DACH2: variants seen among roughly 807,000 people sequenced by gnomAD.
The protein encoded by DACH2 is dachshund family transcription factor 2, also known as dachshund homolog 2.
A neutral mutation model predicts 35.8 loss-of-function variants in DACH2; 17 were observed. That is an observed-to-expected ratio of 0.48 (90% confidence interval 0.33 to 0.71). The LOEUF is 0.71. DACH2 is among the 30% of genes least tolerant of loss of function. The pLI is 0.02. For synonymous variants in DACH2, 195 were observed against 177.3 expected (o/e 1.10, Z -0.79); for missense variants, 469 against 472.7 (o/e 0.99, Z 0.07).
chrX:86,718,199 G>A (rs780501952), intron 6 of DACH2, among the ~76,000 whole-genome samples: 39 of 111,581 alleles, frequency 3.5e-4, no homozygotes, highest in Middle Eastern at 4.6e-3. Flanking sequence ...TCCGACTCAT[G>A]TAAAATGATA....
intron 1 of DACH2, among the ~76,000 whole-genome samples, chrX:86,309,989 G>A (rs981999280): frequency 3.6e-5 from 4 of 112,425 alleles, no homozygotes; most frequent in Admixed American, 9.4e-5. Context: ...GTGTCAGATA[G>A]GGATGCTGTT....
intron 3 of DACH2, among the ~76,000 whole-genome samples, chrX:86,535,950 G>C (rs1421812570): frequency 9.0e-6 from 1 of 111,262 alleles, no homozygotes; most frequent in Non-Finnish European, 1.9e-5. Context: ...TGACCTTGCA[G>C]CGGCACGGCA....
At position 86,208,495 on chromosome X, in the gene DACH2, T is replaced by C. The variant is rs1397397275; in HGVS notation, c.488+59387T>C. Among the ~76,000 whole-genome samples, 6 of 111,797 alleles carry C rather than the reference T, an allele frequency of 5.4e-5. No homozygotes were observed. The Admixed American group carries it at 5.7e-4, about 11-fold the overall frequency. The stretch of plus-strand genomic sequence containing the variant: ...TATGTTATACAAGATGTTATGAAGC[T>C]TAACTTTCCTTTTTCAAGATTCCCA... On this transcript the variant is annotated intron_variant, in intron 1 of 11. Transcript: ENST00000373125.
intron 1 of DACH2, among the ~76,000 whole-genome samples, chrX:86,211,045 T>C (rs1319995604): frequency 9.0e-6 from 1 of 111,541 alleles, no homozygotes; most frequent in East Asian, 2.8e-4. Flanking sequence ...TAATTACTGA[T>C]GAGGAATTTA....
At chrX:86,781,045 A>G (rs2042084700) in intron 7 of DACH2, among the ~76,000 whole-genome samples, 1 of 111,393 alleles carries the variant, frequency 9.0e-6, no homozygotes, top group Non-Finnish European at 1.9e-5. Flanking sequence ...CAGCTTCATC[A>G]CGGTTCTCCC....
chrX:86,800,467 A>C (rs2042281364), intron 7 of DACH2, among the ~76,000 whole-genome samples: 1 of 111,578 alleles, frequency 9.0e-6, no homozygotes, highest in South Asian at 3.7e-4. Flanking sequence ...ATATATTATG[A>C]ATTATTTTAT....
intron 3 of DACH2, among the ~76,000 whole-genome samples, chrX:86,519,333 T>C (rs570461723): frequency 1.8e-5 from 2 of 112,228 alleles, no homozygotes; most frequent in South Asian, 7.3e-4. Context: ...TCGATGTTCA[T>C]GAAGGGCATT....
intron 7 of DACH2, among the ~76,000 whole-genome samples, chrX:86,791,315 G>GTT (rs1299361750): frequency 8.9e-6 from 1 of 111,901 alleles, no homozygotes; most frequent in Non-Finnish European, 1.9e-5. Context: ...ACTACTTAAA[G>GTT]AAATGATCTC....
intron 1 of DACH2, among the ~76,000 whole-genome samples, chrX:86,360,799 A>G (rs1481899829): frequency 1.8e-5 from 2 of 111,704 alleles, no homozygotes; most frequent in Non-Finnish European, 3.8e-5. Flanking sequence ...TTTTAAAAAA[A>G]CATTTTTGCC....
intron 1 of DACH2, among the ~76,000 whole-genome samples, chrX:86,299,423 G>A (rs2034531854): frequency 8.9e-6 from 1 of 111,742 alleles, no homozygotes; most frequent in Admixed American, 9.5e-5. Context: ...GTTCAGCTTA[G>A]CAGTGATTCT....
chrX:86,443,512 T>C (rs1401636460), intron 2 of DACH2, among the ~76,000 whole-genome samples: 2 of 110,499 alleles, frequency 1.8e-5, no homozygotes, highest in African/African-American at 3.3e-5. Context: ...GAATTTTTTT[T>C]TTTTTTTCTG....
At chrX:86,646,881 T>C (rs964414908) in intron 3 of DACH2, among the ~76,000 whole-genome samples, 1 of 109,198 alleles carries the variant, frequency 9.2e-6, no homozygotes, top group African/African-American at 3.3e-5. Context: ...TTTTTTTTCT[T>C]GAAATAAGAC....
chrX:86,382,116 G>A (rs1195166714), intron 2 of DACH2, among the ~76,000 whole-genome samples: 3 of 109,969 alleles, frequency 2.7e-5, no homozygotes, highest in African/African-American at 9.9e-5. Flanking sequence ...TCAGGTTGAC[G>A]ACTCTATATT....
chrX:86,511,167 T>C (rs780226084), intron 2 of DACH2, among the ~76,000 whole-genome samples: 7 of 111,738 alleles, frequency 6.3e-5, no homozygotes, highest in African/African-American at 9.7e-5. Context: ...GAAAGATCCT[T>C]CCCAACTTTT....
chrX:86,381,876 G>T (rs915675625), intron 2 of DACH2, among the ~76,000 whole-genome samples: 2 of 110,389 alleles, frequency 1.8e-5, no homozygotes, highest in Non-Finnish European at 3.8e-5. Context: ...ACATGATTTC[G>T]AATTCATGTT....
intron 1 of DACH2, among the ~76,000 whole-genome samples, chrX:86,181,995 G>A (rs916652719): frequency 2.7e-5 from 3 of 111,670 alleles, no homozygotes; most frequent in Non-Finnish European, 5.7e-5. Flanking sequence ...TTTAAGAAGT[G>A]TCTGTTCATG....
chrX:86,699,076 T>G (rs1009290545), intron 5 of DACH2, among the ~76,000 whole-genome samples: 2 of 111,689 alleles, frequency 1.8e-5, no homozygotes, highest in Non-Finnish European at 3.8e-5. Context: ...AAACAGTTAC[T>G]ACTAGACCTA....
At chrX:86,807,262 T>C (rs1037085533) in intron 7 of DACH2, among the ~76,000 whole-genome samples, 6 of 112,205 alleles carry the variant, frequency 5.3e-5, no homozygotes, top group Non-Finnish European at 1.1e-4. Context: ...CTTCTGTAAA[T>C]TTTCAACTAC....
At chrX:86,575,041 T>C (rs1260076338) in intron 3 of DACH2, among the ~76,000 whole-genome samples, 1 of 111,439 alleles carries the variant, frequency 9.0e-6, no homozygotes, top group African/African-American at 3.3e-5. Flanking sequence ...GAGAGATGGG[T>C]GAAAAATATC....
Sources: allele counts gnomAD v4.1 joint callset (sites outside exome capture counted in the v4.1 genomes callset), GRCh38; gene constraint gnomAD v4.1.1; transcripts MANE v1.5; gene names NCBI Gene and HGNC (gene_info 2026-07-23, HGNC 2026-07-21).